Variants in STAU2 observed in about 807,000 individuals in gnomAD.
STAU2 encodes double-stranded RNA-binding protein Staufen homolog 2.
STAU2 carries 20 observed loss-of-function variants against 65.9 expected under a neutral mutation model. That is an observed-to-expected ratio of 0.30 (90% CI 0.21 to 0.44). The LOEUF is 0.44. Ranked by LOEUF, STAU2 falls within the 20% of genes least tolerant of loss-of-function variation. STAU2 has a pLI of 1.00. For missense variants in STAU2, 558 were observed against 683.9 expected (o/e 0.82, Z 2.05); for synonymous variants, 232 against 233.9 (o/e 0.99, Z 0.07).
At chr8:73,647,538 A>G (rs1563479786) in intron 6 of STAU2, among the ~76,000 whole-genome samples, 1 of 152,064 alleles carries the variant, frequency 6.6e-6, no homozygotes, top group African/African-American at 2.4e-5. Context: ...TAGTTAAGGG[A>G]CAACATAAGG....
intron 13 of STAU2, among the ~76,000 whole-genome samples, chr8:73,547,909 GA>G (rs1271040134): frequency 2.0e-5 from 3 of 150,368 alleles, no homozygotes; most frequent in Admixed American, 6.6e-5. Context: ...AAAAAGAATT[GA>G]AAAAAAACCA....
chr8:73,428,085 T>G (rs1816961204), intron 13 of STAU2, among the ~76,000 whole-genome samples: 1 of 152,224 alleles, frequency 6.6e-6, no homozygotes, highest in African/African-American at 2.4e-5. Flanking sequence ...CTTATCCTTT[T>G]TATCTGACTG....
chr8:73,738,382 C>T, intron 2 of STAU2, 33 bp from the exon 3 acceptor site: 1 of 1,521,702 alleles, frequency 6.6e-7, no homozygotes, highest in Admixed American at 2.0e-5. Flanking sequence ...TAAAGTTCAA[C>T]TTAGCTGATA....
intron 6 of STAU2, among the ~76,000 whole-genome samples, chr8:73,663,141 C>T (rs1329942967): frequency 2.6e-5 from 4 of 152,124 alleles, no homozygotes; most frequent in African/African-American, 9.7e-5. Flanking sequence ...TGATCTATTA[C>T]ATCTATTCGA....
intron 3 of STAU2, among the ~76,000 whole-genome samples, chr8:73,727,463 A>G (rs1805727051): frequency 6.6e-6 from 1 of 152,220 alleles, no homozygotes; most frequent in African/African-American, 2.4e-5. Flanking sequence ...CATAAATGGA[A>G]TCATACAATA....
intron 13 of STAU2, among the ~76,000 whole-genome samples, chr8:73,528,532 C>A (rs1423162008): frequency 2.0e-5 from 3 of 152,100 alleles, no homozygotes; most frequent in African/African-American, 7.2e-5. Context: ...CTGTCAAAAA[C>A]TTCCAGGTTT....
chr8:73,480,428 G>A (rs1048977190), intron 13 of STAU2, among the ~76,000 whole-genome samples: 1 of 152,124 alleles, frequency 6.6e-6, no homozygotes, highest in Non-Finnish European at 1.5e-5. Context: ...GGTGTGATAA[G>A]TACAGACATA....
intron 13 of STAU2, 26 bp downstream of exon 13, chr8:73,551,979 GTTTTGTT>G (rs1807365450): frequency 3.9e-6 from 6 of 1,523,858 alleles, no homozygotes; most frequent in African/African-American, 1.4e-5. Context: ...CTAATGAATT[GTTTTGTT>G]TTTTGTTTTT....
chr8:73,550,366 A>C, intron 13 of STAU2: 2 of 984,194 alleles, frequency 2.0e-6, no homozygotes, highest in African/African-American at 3.5e-5. Flanking sequence ...CCAAGAGCTT[A>C]GAAATAAAAA....
chr8:73,555,820 G>T (rs1468529288), intron 12 of STAU2, among the ~76,000 whole-genome samples: 1 of 152,088 alleles, frequency 6.6e-6, no homozygotes, highest in Non-Finnish European at 1.5e-5. Flanking sequence ...ATTCTTCACG[G>T]ATATCAAGGG....
chr8:73,470,692 T>C (rs1819945507), intron 13 of STAU2, among the ~76,000 whole-genome samples: 1 of 151,978 alleles, frequency 6.6e-6, no homozygotes, highest in Admixed American at 6.5e-5. Context: ...TAATCCCAGC[T>C]ACACTGGAGA....
intron 6 of STAU2, among the ~76,000 whole-genome samples, chr8:73,658,201 T>TA (rs894521379): frequency 6.6e-5 from 10 of 150,566 alleles, no homozygotes; most frequent in African/African-American, 1.7e-4. Flanking sequence ...CCATCTCTAC[T>TA]AAAAAAAAAT....
intron 13 of STAU2, among the ~76,000 whole-genome samples, chr8:73,549,400 A>G (rs1807160542): frequency 6.6e-6 from 1 of 152,202 alleles, no homozygotes. Flanking sequence ...ACTGCTGAGA[A>G]TGTGTAAGTG....
rs779157221 is a variant in STAU2, at chr8:73,552,063, T to C, written c.1479A>G (p.Pro493=). ...KGSSPTPPCS[P]VQPSKQLEYL... is the part of the protein sequence containing the mutation. ...ATTCCAGTTGTTTTGAAGGTTGTACTGGAGAACAAGGGGGAGTAGGAGAAC... is the reference window on the plus strand; with the variant it reads ...ATTCCAGTTGTTTTGAAGGTTGTACCGGAGAACAAGGGGGAGTAGGAGAAC... The change falls in exon 13 of 15, where the codon CCA becomes CCG. Residue 493 remains proline (P), a synonymous_variant. Coordinates refer to ENST00000524300, the MANE Select transcript of STAU2 (RefSeq NM_001164380.2). 8 of 1,607,116 alleles carry C rather than the reference T, an allele frequency of 5.0e-6. No homozygotes were observed. The highest frequency in any genetic ancestry group is 6.0e-6 in the Non-Finnish European group (7 of 1,175,820).
chr8:73,505,937 C>T (rs1484950606), intron 13 of STAU2, among the ~76,000 whole-genome samples: 2 of 151,956 alleles, frequency 1.3e-5, no homozygotes, highest in Admixed American at 1.3e-4. Context: ...CTATCTGGCA[C>T]CTCCTCCCTC....
At chr8:73,559,220 T>C (rs1317056028) in intron 12 of STAU2, among the ~76,000 whole-genome samples, 4 of 152,224 alleles carry the variant, frequency 2.6e-5, no homozygotes, top group African/African-American at 9.6e-5. Flanking sequence ...TGTACCATTC[T>C]TATAACTTCT....
chr8:73,467,270 C>T (rs181889966), intron 13 of STAU2, among the ~76,000 whole-genome samples: 320 of 152,322 alleles, frequency 2.1e-3, no homozygotes, highest in African/African-American at 7.3e-3. Flanking sequence ...CAGTGGCTCA[C>T]GCCTGTAATC....
chr8:73,652,769 A>G (rs938854335), intron 6 of STAU2: 2 of 152,010 alleles, frequency 1.3e-5, no homozygotes, highest in Non-Finnish European at 2.9e-5. Flanking sequence ...CCAAGCAACC[A>G]AAGTACTTCA....
At chr8:73,738,401 GACT>G in intron 2 of STAU2, 52 bp from the exon 3 acceptor site, 1 of 1,324,636 alleles carries the variant, frequency 7.5e-7, no homozygotes, top group Non-Finnish European at 1.0e-6. Flanking sequence ...TAACCTCAAT[GACT>G]GGTATTTTAA....
Sources: gnomAD v4.1 joint callset for allele counts (sites outside exome capture counted in the v4.1 genomes callset) on GRCh38, gnomAD v4.1.1 for gene constraint, MANE v1.5 for transcripts, NCBI Gene and HGNC (gene_info 2026-07-23, HGNC 2026-07-21) for gene names.